B3GALT1: variants seen among roughly 807,000 people sequenced by gnomAD.
B3GALT1 encodes beta-1,3-galactosyltransferase 1, also known as UDP-Gal:betaGlcNAc beta 1,3-galactosyltransferase, polypeptide 1.
A neutral mutation model predicts 23.2 loss-of-function variants in B3GALT1; 10 were observed. The ratio of observed to expected loss-of-function variants is 0.43; its 90% CI spans 0.27 to 0.73. The LOEUF is 0.73. Ranked by LOEUF, B3GALT1 falls within the 30% of genes least tolerant of loss-of-function variation. The pLI is 0.21. For missense variants in B3GALT1, 299 were observed against 405.4 expected, an observed-to-expected ratio of 0.74 and a Z score of 2.25; for synonymous variants, 156 against 141.5, an observed-to-expected ratio of 1.10 and a Z score of -0.73.
At chr2:167,428,403 A>G (rs1698655047) in intron 1 of B3GALT1, among the ~76,000 whole-genome samples, 1 of 152,194 alleles carries the variant, frequency 6.6e-6, no homozygotes. Flanking sequence ...AAGATCCCAT[A>G]GCAGCTTACG....
intron 2 of B3GALT1, among the ~76,000 whole-genome samples, chr2:167,547,979 C>T (rs1683672854): frequency 6.6e-6 from 1 of 152,176 alleles, no homozygotes; most frequent in African/African-American, 2.4e-5. Flanking sequence ...AAACCTTTCT[C>T]TAGAACAATG....
In B3GALT1 at chr2:167,819,379, T is replaced by C. The variant is rs369248738; in HGVS notation, c.-230+586T>C. On this transcript the variant is annotated intron_variant, in intron 4 of 4. Coordinates refer to ENST00000392690, the MANE Select transcript of B3GALT1 (RefSeq NM_020981.4). ...AAAATGATGGTACAGTTATTAAAAGTCTCTAAAATAGTGAATAATTGTTAA... is the reference window on the plus strand; with the variant it reads ...AAAATGATGGTACAGTTATTAAAAGCCTCTAAAATAGTGAATAATTGTTAA... Among the ~76,000 whole-genome samples, 3 of 152,318 alleles carry C rather than the reference T, an allele frequency of 2.0e-5. No individual in the cohort carries two copies. In the East Asian group the frequency reaches 5.8e-4, roughly 29 times the overall value.
chr2:167,682,178 T>G (rs1197704279), intron 3 of B3GALT1, among the ~76,000 whole-genome samples: 1 of 152,174 alleles, frequency 6.6e-6, no homozygotes, highest in African/African-American at 2.4e-5. Flanking sequence ...CCCTGTCTAT[T>G]CCCGGCTAGC....
chr2:167,741,510 G>A (rs1352289623), intron 3 of B3GALT1, among the ~76,000 whole-genome samples: 1 of 152,078 alleles, frequency 6.6e-6, no homozygotes, highest in Admixed American at 6.5e-5. Context: ...GGGGTGCATT[G>A]TTTCCAAATT....
At chr2:167,607,820 AG>A (rs1684993430) in intron 2 of B3GALT1, among the ~76,000 whole-genome samples, 1 of 152,218 alleles carries the variant, frequency 6.6e-6, no homozygotes, top group African/African-American at 2.4e-5. Flanking sequence ...GAGCAATGAA[AG>A]AGTGCAATTT....
At chr2:167,345,817 G>C (rs186846238) in intron 1 of B3GALT1, among the ~76,000 whole-genome samples, 1 of 152,148 alleles carries the variant, frequency 6.6e-6, no homozygotes, top group African/African-American at 2.4e-5. Context: ...AATTATGCTG[G>C]GAGTCTTATA....
At chr2:167,786,263 G>T (rs566083329) in intron 3 of B3GALT1, among the ~76,000 whole-genome samples, 1 of 152,194 alleles carries the variant, frequency 6.6e-6, no homozygotes, top group East Asian at 1.9e-4. Context: ...CAGAAACCTC[G>T]CCTGTTACAC....
At chr2:167,695,864 G>C (rs182713077) in intron 3 of B3GALT1, among the ~76,000 whole-genome samples, 3 of 151,994 alleles carry the variant, frequency 2.0e-5, no homozygotes, top group African/African-American at 7.2e-5. Flanking sequence ...GATGGCTACC[G>C]TTGCTCCCAC....
intron 1 of B3GALT1, among the ~76,000 whole-genome samples, chr2:167,443,352 A>G (rs1181379734): frequency 7.9e-5 from 12 of 152,194 alleles, no homozygotes; most frequent in African/African-American, 2.7e-4. Flanking sequence ...TGACTTGGCA[A>G]TGCGGACTCT....
At chr2:167,324,862 T>C (rs1339542084) in intron 1 of B3GALT1, among the ~76,000 whole-genome samples, 1 of 152,154 alleles carries the variant, frequency 6.6e-6, no homozygotes, top group Non-Finnish European at 1.5e-5. Context: ...CATCAGTCCC[T>C]CTGCCTCACT....
intron 2 of B3GALT1, among the ~76,000 whole-genome samples, chr2:167,614,958 TAAAAA>T (rs1685133844): frequency 6.6e-6 from 1 of 151,958 alleles, no homozygotes; most frequent in African/African-American, 2.4e-5. Context: ...ATTTGAATGT[TAAAAA>T]TAAGAATATA....
At chr2:167,529,451 C>A (rs1574121005) in intron 2 of B3GALT1, among the ~76,000 whole-genome samples, 1 of 151,824 alleles carries the variant, frequency 6.6e-6, no homozygotes, top group East Asian at 2.0e-4. Context: ...TCTAAGAGGG[C>A]AACTAATAGA....
At chr2:167,499,619 A>G (rs1037534855) in intron 2 of B3GALT1, among the ~76,000 whole-genome samples, 1 of 152,208 alleles carries the variant, frequency 6.6e-6, no homozygotes, top group Non-Finnish European at 1.5e-5. Context: ...AGTCACTGTA[A>G]TTGCATAAAA....
At chr2:167,733,861 T>G in intron 3 of B3GALT1, among the ~76,000 whole-genome samples, 1 of 152,192 alleles carries the variant, frequency 6.6e-6, no homozygotes, top group East Asian at 1.9e-4. Context: ...GTGTGGCAAC[T>G]GACAGGATCC....
intron 3 of B3GALT1, among the ~76,000 whole-genome samples, chr2:167,815,673 A>G (rs1459874163): frequency 6.6e-6 from 1 of 152,244 alleles, no homozygotes; most frequent in Non-Finnish European, 1.5e-5. Flanking sequence ...TTTCTCAGCC[A>G]TAAACAGCAC....
intron 3 of B3GALT1, among the ~76,000 whole-genome samples, chr2:167,804,476 C>A (rs184582162): frequency 9.3e-4 from 141 of 152,216 alleles, no homozygotes; most frequent in African/African-American, 3.3e-3. Flanking sequence ...ATCCCTCCCC[C>A]TTCTGCCCAC....
chr2:167,690,638 A>G (rs1439506634), intron 3 of B3GALT1, among the ~76,000 whole-genome samples: 1 of 152,136 alleles, frequency 6.6e-6, no homozygotes, highest in Non-Finnish European at 1.5e-5. Flanking sequence ...ACCTTCGGCA[A>G]TCATTTTTAA....
At chr2:167,305,875 A>G (rs1696544530) in intron 1 of B3GALT1, among the ~76,000 whole-genome samples, 1 of 152,124 alleles carries the variant, frequency 6.6e-6, no homozygotes, top group Non-Finnish European at 1.5e-5. Context: ...AATTATATGA[A>G]GAATATGAGG....
At chr2:167,328,463 T>C (rs1039805290) in intron 1 of B3GALT1, among the ~76,000 whole-genome samples, 1 of 152,214 alleles carries the variant, frequency 6.6e-6, no homozygotes, top group African/African-American at 2.4e-5. Context: ...TTTATAGGAA[T>C]TTATCCATTT....
Sources: gnomAD v4.1 joint callset for allele counts (sites outside exome capture counted in the v4.1 genomes callset) on GRCh38, gnomAD v4.1.1 for gene constraint, MANE v1.5 for transcripts, NCBI Gene and HGNC (gene_info 2026-07-23, HGNC 2026-07-21) for gene names.